STON2: variants seen among roughly 807,000 people sequenced by gnomAD.
STON2 encodes the protein stonin-2.
A neutral mutation model predicts 65.7 loss-of-function variants in STON2; 29 were observed. That is an observed-to-expected ratio of 0.44 (90% CI 0.33 to 0.60). The LOEUF (loss-of-function observed/expected upper bound fraction) is 0.60, where lower values mean the gene tolerates loss of function less well. Ranked by LOEUF, STON2 falls within the 20% of genes least tolerant of loss-of-function variation. The pLI is 0.03. For synonymous variants in STON2, 404 were observed against 414.2 expected (o/e 0.98, Z 0.30); for missense variants, 1,054 against 1,118.1 (o/e 0.94, Z 0.82).
At chr14:81,375,059 G>T (rs1464326062) in intron 3 of STON2, among the ~76,000 whole-genome samples, 1 of 152,100 alleles carries the variant, frequency 6.6e-6, no homozygotes. Context: ...AAGCCAATGT[G>T]CACTTCAAAG....
intron 5 of STON2, among the ~76,000 whole-genome samples, chr14:81,298,753 C>A (rs1219136094): frequency 6.6e-6 from 1 of 152,092 alleles, no homozygotes; most frequent in Non-Finnish European, 1.5e-5. Context: ...AGTCACCCAC[C>A]ACGAAATGGT....
chr14:81,408,765 T>C (rs17638807), intron 2 of STON2, among the ~76,000 whole-genome samples: 60,595 of 152,136 alleles, frequency 0.4, 14,977 homozygotes, highest in Non-Finnish European at 0.55. Flanking sequence ...AAAAACTGGT[T>C]AGGCATTGCC....
chr14:81,327,023 T>C (rs1897026292), intron 4 of STON2, among the ~76,000 whole-genome samples: 1 of 152,220 alleles, frequency 6.6e-6, no homozygotes, highest in Non-Finnish European at 1.5e-5. Context: ...CCAGGCGTGG[T>C]GGCACGCGCC....
chr14:81,429,615 T>C (rs1422459642), intron 1 of STON2, among the ~76,000 whole-genome samples: 2 of 152,180 alleles, frequency 1.3e-5, no homozygotes, highest in Non-Finnish European at 2.9e-5. Flanking sequence ...AATAGTCCGA[T>C]GGCAGTCAAG....
At chr14:81,402,844 T>A (rs1224090417), upstream of STON2, among the ~76,000 whole-genome samples, 1 of 152,210 alleles carries the variant, frequency 6.6e-6, no homozygotes, top group Admixed American at 6.5e-5. Flanking sequence ...GGTAGAGTTA[T>A]CTTCCTAAAA....
Position 81,266,531 on chromosome 14 carries a change from C to T in STON2, c.*1883G>A, listed in dbSNP as rs550049689. 3.0e-6 allele frequency: 1 copy of T among 338,190 alleles called. No individual in the cohort carries two copies. Among genetic ancestry groups the T allele is most frequent in the East Asian group, 1.7e-4 (1 of 6,024 alleles). The allele number at this position is 338,190 out of a possible 1,614,324, so 20.9% of individuals were successfully genotyped here. The stretch of plus-strand genomic sequence containing the variant: ...TGTTCTTGCATCATCAGACCCTTTA[C>T]AACCCTGGTCACCTCCCTATGGACA... On this transcript the variant is annotated 3_prime_UTR_variant, in exon 8 of 8. Coordinates refer to ENST00000614646, the MANE Select transcript of STON2 (RefSeq NM_001394390.1).
Position 81,266,594 on chromosome 14 carries a change from C to T in STON2, c.*1820G>A. The T allele has an allele frequency of 1.2e-6, 1 of 800,950 alleles. No individual in the cohort carries two copies. Among genetic ancestry groups the T allele is most frequent in the Non-Finnish European group, 1.5e-6 (1 of 661,890 alleles). 49.6% of individuals were successfully genotyped at this position (800,950 alleles called of 1,614,324 possible). On this transcript the variant is annotated 3_prime_UTR_variant, in exon 8 of 8. Coordinates refer to ENST00000614646, the MANE Select transcript of STON2 (RefSeq NM_001394390.1). Reference sequence around the variant, plus strand: ...TAATGTCTCTCTTAAAATATGATACCCATAATTGAACTCAACCCTCCATTT... The same window carrying T: ...TAATGTCTCTCTTAAAATATGATACTCATAATTGAACTCAACCCTCCATTT...
intron 2 of STON2, among the ~76,000 whole-genome samples, chr14:81,424,999 C>G (rs1197312299): frequency 6.6e-6 from 1 of 152,140 alleles, no homozygotes; most frequent in Non-Finnish European, 1.5e-5. Flanking sequence ...CCACTAATAG[C>G]AGTATTTCTT....
chr14:81,402,468 A>T (rs529977625), upstream of STON2, among the ~76,000 whole-genome samples: 9 of 152,296 alleles, frequency 5.9e-5, no homozygotes, highest in East Asian at 1.5e-3. Context: ...GGACAGCAGC[A>T]AGTAAGAGTG....
At chr14:81,415,946 A>G (rs1485536304) in intron 2 of STON2, among the ~76,000 whole-genome samples, 1 of 152,198 alleles carries the variant, frequency 6.6e-6, no homozygotes, top group Non-Finnish European at 1.5e-5. Flanking sequence ...ATGACAGCAC[A>G]GGTTACTAAG....
intron 3 of STON2, among the ~76,000 whole-genome samples, chr14:81,374,625 AAAG>A (rs1460662201): frequency 2.0e-5 from 3 of 152,140 alleles, no homozygotes; most frequent in African/African-American, 4.8e-5. Flanking sequence ...TACAATTGAA[AAAG>A]AACTAAATAA....
At chr14:81,321,548 A>C (rs1896822895) in intron 5 of STON2, among the ~76,000 whole-genome samples, 1 of 152,156 alleles carries the variant, frequency 6.6e-6, no homozygotes. Flanking sequence ...GCCTCTTTAA[A>C]TATACAGTTT....
intron 5 of STON2, among the ~76,000 whole-genome samples, chr14:81,296,114 G>C (rs932895714): frequency 6.6e-6 from 1 of 152,222 alleles, no homozygotes; most frequent in African/African-American, 2.4e-5. Context: ...AGTAAGTACA[G>C]TAGTTGTTGG....
intron 7 of STON2, 123 bp downstream of exon 7, chr14:81,270,547 C>T (rs1156973201): frequency 6.3e-7 from 1 of 1,589,932 alleles, no homozygotes; most frequent in East Asian, 2.2e-5. Flanking sequence ...GGTGAACTTC[C>T]TCTAAGGCAG....
intron 2 of STON2, among the ~76,000 whole-genome samples, chr14:81,422,737 A>G (rs530930160): frequency 1.3e-5 from 2 of 152,190 alleles, no homozygotes; most frequent in East Asian, 3.9e-4. Flanking sequence ...TCCACCTAGT[A>G]TTTCTAGACT....
chr14:81,303,176 G>A (rs905350343), intron 5 of STON2, among the ~76,000 whole-genome samples: 18 of 151,768 alleles, frequency 1.2e-4, no homozygotes, highest in Non-Finnish European at 1.9e-4. Context: ...GGGAAGAGAC[G>A]GGGAAAAGTA....
At chr14:81,396,604 A>G (rs1233102984) in intron 2 of STON2, among the ~76,000 whole-genome samples, 2 of 152,330 alleles carry the variant, frequency 1.3e-5, no homozygotes, top group East Asian at 3.9e-4. Context: ...TCAAATTTCA[A>G]ATTCTTTGCA....
chr14:81,382,872 A>G (rs925392973), intron 3 of STON2, among the ~76,000 whole-genome samples: 1 of 152,210 alleles, frequency 6.6e-6, no homozygotes, highest in Admixed American at 6.5e-5. Flanking sequence ...ATTTGGGAGA[A>G]GCAAAGCTTC....
intron 4 of STON2, among the ~76,000 whole-genome samples, chr14:81,349,645 A>G (rs1396232077): frequency 6.6e-6 from 1 of 152,204 alleles, no homozygotes; most frequent in African/African-American, 2.4e-5. Context: ...AAATTAGTAC[A>G]GCCATTATAG....
Sources: gnomAD v4.1 joint callset for allele counts (sites outside exome capture counted in the v4.1 genomes callset) on GRCh38, gnomAD v4.1.1 for gene constraint, MANE v1.5 for transcripts, NCBI Gene and HGNC (gene_info 2026-07-23, HGNC 2026-07-21) for gene names.